Variants in EYS observed in about 807,000 individuals in gnomAD.
EYS encodes EGF-like photoreceptor maintenance factor, also known as protein eyes shut homolog.
Under a neutral mutation model 282.1 loss-of-function variants are expected in EYS, and 250 were observed. That is an observed-to-expected ratio of 0.89 (90% CI 0.80 to 0.98). EYS has a LOEUF of 0.98. EYS is among the 50% of genes least tolerant of loss of function. The pLI is 0.00. For missense variants in EYS, 4,016 were observed against 3,709.0 expected (o/e 1.08, Z -2.15); for synonymous variants, 1,355 against 1,282.9 (o/e 1.06, Z -1.20).
intron 35 of EYS, among the ~76,000 whole-genome samples, chr6:63,931,115 T>A (rs1764878997): frequency 6.6e-6 from 1 of 152,198 alleles, no homozygotes; most frequent in Non-Finnish European, 1.5e-5. Context: ...ATTAGCTTTT[T>A]CTTTTAAAGA....
At position 64,727,345 on chromosome 6, in the gene EYS, G is replaced by A. The variant is rs568641002; in HGVS notation, c.3443+86033C>T. Among the ~76,000 whole-genome samples the A allele has an allele frequency of 3.3e-5, 5 of 152,112 alleles. No homozygotes were observed. In the East Asian group the frequency reaches 7.7e-4, roughly 24 times the overall value. ...CACTTGCACAAAGCATGGAATTCTGGTACTTAAAAAATTTATTAGACTTTT... is the reference window on the plus strand; with the variant it reads ...CACTTGCACAAAGCATGGAATTCTGATACTTAAAAAATTTATTAGACTTTT... On this transcript the variant is annotated intron_variant, in intron 22 of 42. Coordinates refer to ENST00000503581, the MANE Select transcript of EYS (RefSeq NM_001142800.2).
intron 31 of EYS, among the ~76,000 whole-genome samples, chr6:64,094,178 C>T (rs533118001): frequency 1.1e-4 from 17 of 152,118 alleles, no homozygotes; most frequent in South Asian, 8.3e-4. Context: ...TGAGGATTTT[C>T]GCATCGATGT....
At chr6:63,949,970 C>T (rs568784303) in intron 35 of EYS, among the ~76,000 whole-genome samples, 1 of 152,058 alleles carries the variant, frequency 6.6e-6, no homozygotes, top group South Asian at 2.1e-4. Context: ...TCAGGAGTTC[C>T]AGACCAGCCT....
intron 22 of EYS, among the ~76,000 whole-genome samples, chr6:64,640,550 C>T (rs1768098666): frequency 6.7e-6 from 1 of 149,636 alleles, no homozygotes; most frequent in African/African-American, 2.5e-5. Context: ...AGGGGGTCAT[C>T]ACACTCTGGG....
At chr6:64,936,522 T>A (rs1768911106) in intron 15 of EYS, among the ~76,000 whole-genome samples, 1 of 151,420 alleles carries the variant, frequency 6.6e-6, no homozygotes, top group African/African-American at 2.4e-5. Context: ...TATCAGATAT[T>A]AAAAATCCTA....
chr6:65,136,182 G>C (rs541738782), intron 12 of EYS, among the ~76,000 whole-genome samples: 5 of 152,012 alleles, frequency 3.3e-5, no homozygotes, highest in African/African-American at 1.2e-4. Flanking sequence ...TAACACAAAA[G>C]TTTGATCCAT....
chr6:64,151,357 A>ATATC (rs1774723879), intron 31 of EYS, among the ~76,000 whole-genome samples: 1 of 89,584 alleles, frequency 1.1e-5, no homozygotes, highest in Non-Finnish European at 2.3e-5. Flanking sequence ...ATATATATAT[A>ATATC]TATATAATTT....
chr6:64,454,536 C>T (rs1775492096), intron 26 of EYS, among the ~76,000 whole-genome samples: 1 of 151,990 alleles, frequency 6.6e-6, no homozygotes, highest in African/African-American at 2.4e-5. Context: ...CACTTAAATG[C>T]TATTTTTTTT....
chr6:65,641,566 T>G (rs1325747306), intron 1 of EYS, among the ~76,000 whole-genome samples: 1 of 152,236 alleles, frequency 6.6e-6, no homozygotes, highest in Non-Finnish European at 1.5e-5. Flanking sequence ...GTCTAAAGTT[T>G]TAGTGCTATA....
intron 12 of EYS, among the ~76,000 whole-genome samples, chr6:65,192,739 G>A (rs1765672544): frequency 6.6e-6 from 1 of 151,688 alleles, no homozygotes; most frequent in South Asian, 2.1e-4. Context: ...GAGAGACTGG[G>A]TTAGCTCTTG....
chr6:64,990,140 A>G (rs1012221500), intron 14 of EYS, among the ~76,000 whole-genome samples: 1 of 151,516 alleles, frequency 6.6e-6, no homozygotes, highest in African/African-American at 2.4e-5. Flanking sequence ...TTAGAACACA[A>G]TGGAGTTATT....
chr6:64,002,128 G>T (rs1768124663), intron 33 of EYS, among the ~76,000 whole-genome samples: 1 of 152,178 alleles, frequency 6.6e-6, no homozygotes. Flanking sequence ...CAATGTAGCA[G>T]AGAAAGAGAG....
intron 2 of EYS, among the ~76,000 whole-genome samples, chr6:65,635,214 C>G (rs915779642): frequency 6.6e-6 from 1 of 152,166 alleles, no homozygotes; most frequent in African/African-American, 2.4e-5. Flanking sequence ...CCACCTCAAC[C>G]CCACAACTAT....
intron 35 of EYS, among the ~76,000 whole-genome samples, chr6:63,981,028 T>C (rs1303546527): frequency 6.6e-6 from 1 of 151,880 alleles, no homozygotes; most frequent in African/African-American, 2.4e-5. Context: ...GACTCTACAC[T>C]GCTCCGTGTA....
intron 35 of EYS, among the ~76,000 whole-genome samples, chr6:63,948,080 C>T (rs1765451678): frequency 1.3e-5 from 2 of 152,136 alleles, no homozygotes; most frequent in Non-Finnish European, 2.9e-5. Context: ...AACACCTCAA[C>T]TATTTGAAGA....
chr6:64,623,128 G>A (rs920385073), intron 23 of EYS, among the ~76,000 whole-genome samples: 13 of 152,160 alleles, frequency 8.5e-5, no homozygotes, highest in African/African-American at 2.9e-4. Flanking sequence ...TTTAATGATT[G>A]GTCAATTCAA....
chr6:63,957,094 G>A (rs1462622046), intron 35 of EYS, among the ~76,000 whole-genome samples: 1 of 152,062 alleles, frequency 6.6e-6, no homozygotes, highest in Non-Finnish European at 1.5e-5. Context: ...ATAGCCAATA[G>A]CATTATAACT....
At chr6:65,033,291 G>A (rs974763575) in intron 13 of EYS, among the ~76,000 whole-genome samples, 2 of 152,112 alleles carry the variant, frequency 1.3e-5, no homozygotes, top group Non-Finnish European at 2.9e-5. Context: ...ATCAGAAGAG[G>A]AATTCAAGTA....
At position 64,518,041 on chromosome 6, in the gene EYS, CT is replaced by C. The variant is rs1777617263; in HGVS notation, c.5644+72181del. 9.9e-5 allele frequency among the ~76,000 whole-genome samples: 15 copies of C among 151,892 alleles called. No homozygotes were observed. In the South Asian group the frequency reaches 3.1e-3, roughly 32 times the overall value. On this transcript the variant is annotated intron_variant, in intron 26 of 42. Transcript: ENST00000503581. ...ACAGAAGCAAAGATGCAAAAGTGCCCTACAAGGCTGGCCTCATTTCAAACGT... is the reference window on the plus strand; with the variant it reads ...ACAGAAGCAAAGATGCAAAAGTGCCCACAAGGCTGGCCTCATTTCAAACGT...
Sources: allele counts gnomAD v4.1 joint callset (sites outside exome capture counted in the v4.1 genomes callset), GRCh38; gene constraint gnomAD v4.1.1; transcripts MANE v1.5; gene names NCBI Gene and HGNC (gene_info 2026-07-23, HGNC 2026-07-21).